The following GPR158 variants were observed in gnomAD, a reference collection of about 807,000 sequenced individuals.
The protein encoded by GPR158 is metabotropic glycine receptor.
A neutral mutation model predicts 78.2 loss-of-function variants in GPR158; 30 were observed. The ratio of observed to expected loss-of-function variants is 0.38; its 90% confidence interval spans 0.29 to 0.52. The LOEUF (loss-of-function observed/expected upper bound fraction) is 0.52, where lower values mean the gene tolerates loss of function less well. Ranked by LOEUF, GPR158 falls within the 20% of genes least tolerant of loss-of-function variation. The pLI is 0.83. For synonymous variants in GPR158, 581 were observed against 591.1 expected (o/e 0.98, Z 0.25); for missense variants, 1,463 against 1,523.5 (o/e 0.96, Z 0.66).
intron 3 of GPR158, among the ~76,000 whole-genome samples, chr10:25,400,536 C>G (rs1834429967): frequency 6.6e-6 from 1 of 152,168 alleles, no homozygotes; most frequent in African/African-American, 2.4e-5. Flanking sequence ...TGGCATTGCT[C>G]TTGAAATTGG....
At chr10:25,492,406 T>TC (rs561942958) in intron 5 of GPR158, among the ~76,000 whole-genome samples, 272 of 148,510 alleles carry the variant, frequency 1.8e-3, no homozygotes, top group African/African-American at 6.9e-3. Flanking sequence ...ACTTTTTTTT[T>TC]CTTTTTCTTT....
At chr10:25,535,681 A>G (rs1836489429) in intron 5 of GPR158, among the ~76,000 whole-genome samples, 1 of 152,212 alleles carries the variant, frequency 6.6e-6, no homozygotes, top group Admixed American at 6.5e-5. Flanking sequence ...GTTATATACA[A>G]GTAGATAATG....
chr10:25,517,474 T>G (rs1301929176), intron 5 of GPR158, among the ~76,000 whole-genome samples: 1 of 152,020 alleles, frequency 6.6e-6, no homozygotes. Context: ...ATGCTTCCAG[T>G]TTTTGCCCAT....
At chr10:25,370,270 T>C (rs966335441) in intron 2 of GPR158, among the ~76,000 whole-genome samples, 3 of 148,524 alleles carry the variant, frequency 2.0e-5, no homozygotes, top group Non-Finnish European at 4.5e-5. Context: ...AGGGTGTCAA[T>C]TATGGATCTT....
chr10:25,532,701 T>C (rs532710831), intron 5 of GPR158, among the ~76,000 whole-genome samples: 2 of 151,734 alleles, frequency 1.3e-5, no homozygotes, highest in Non-Finnish European at 2.9e-5. Context: ...CTTTTATGCA[T>C]TGTTTCGTTC....
rs1250039325 is a variant in GPR158, at chr10:25,553,313, C to A, written c.1514+2228C>A. The stretch of plus-strand genomic sequence containing the variant: ...TTTAAAAAATGAAATTAAAACTATT[C>A]GAAATTAAAACTATTTTCCCTCTGA... On this transcript the variant is annotated intron_variant, in intron 6 of 10. Transcript: ENST00000376351. Among the ~76,000 whole-genome samples the A allele has an allele frequency of 5.9e-5, 9 of 152,016 alleles. No individual in the cohort carries two copies. In the South Asian group the frequency reaches 1.9e-3, roughly 31 times the overall value.
chr10:25,261,669 G>A (rs1157839759), intron 2 of GPR158, among the ~76,000 whole-genome samples: 2 of 152,140 alleles, frequency 1.3e-5, no homozygotes, highest in African/African-American at 2.4e-5. Flanking sequence ...CAATTAACAC[G>A]GCGGAGTCAG....
At chr10:25,270,945 T>A (rs147262802) in intron 2 of GPR158, among the ~76,000 whole-genome samples, 1 of 152,218 alleles carries the variant, frequency 6.6e-6, no homozygotes, top group African/African-American at 2.4e-5. Context: ...TAAATCCTTA[T>A]CAAGACCTAT....
At chr10:25,283,434 C>CT (rs1004256260) in intron 2 of GPR158, among the ~76,000 whole-genome samples, 3 of 151,890 alleles carry the variant, frequency 2.0e-5, no homozygotes, top group African/African-American at 7.2e-5. Flanking sequence ...ATTGCAAATT[C>CT]TTTTTTGTGA....
rs147751178 is a variant in GPR158 at position 25,337,254 on chromosome 10, C to G, written c.1009-58657C>G. 4.6e-3 allele frequency among the ~76,000 whole-genome samples: 702 copies of G among 152,106 alleles called. 9 individuals are homozygous for G. The highest frequency in any genetic ancestry group is 0.016 in the African/African-American group (648 of 41,520). ...ATAAAGAGAACACACCCATGTAAAC[C>G]ACCATCCAGATCAACATAGAGAACA... On this transcript the variant is annotated intron_variant, in intron 2 of 10. Coordinates refer to ENST00000376351, the MANE Select transcript of GPR158 (RefSeq NM_020752.3).
intron 4 of GPR158, among the ~76,000 whole-genome samples, chr10:25,442,862 C>G (rs552851138): frequency 6.6e-6 from 1 of 152,222 alleles, no homozygotes; most frequent in South Asian, 2.1e-4. Context: ...TTCCTGCACC[C>G]AACATCCTCC....
Position 25,601,592 on chromosome 10 carries a change from C to T in GPR158, c.*2318C>T, listed in dbSNP as rs1837499052. On this transcript the variant is annotated 3_prime_UTR_variant, in exon 11 of 11. Coordinates refer to ENST00000376351, the MANE Select transcript of GPR158 (RefSeq NM_020752.3). ...TGCCAAATTATATCTTAGCGACATT[C>T]TATAGTTCATAGATTATTCTCCACC... The T allele has an allele frequency of 6.6e-6, 1 of 152,622 alleles. No individual in the cohort carries two copies. Among genetic ancestry groups the T allele is most frequent in the African/African-American group, 2.4e-5 (1 of 41,460 alleles). 9.5% of individuals were successfully genotyped at this position (152,622 alleles called of 1,614,324 possible). A position where few individuals can be genotyped will look rare whatever the true frequency, so the allele number is the denominator to read the frequency against.
chr10:25,176,151 G>C lies in GPR158; in HGVS notation c.731G>C (p.Arg244Pro). 2 of 1,573,584 alleles carry C rather than the reference G, an allele frequency of 1.3e-6. No homozygotes were observed. Among genetic ancestry groups the C allele is most frequent in the Non-Finnish European group, 1.7e-6 (2 of 1,161,010 alleles). The change falls in exon 1 of 11, where the codon CGG becomes CCG. Residue 244 changes from arginine (R) to proline (P), a missense_variant. Transcript: ENST00000376351. This position sits in a 1 kb window ranked among gnomAD's most constrained non-coding sequence, Gnocchi z 6.3. Reference sequence around the variant, plus strand: ...CGCCGCGGCCCCAATCAGGGGCCCCGGGGCCTGGGCCACAGCTGGCGGCGC... The same window carrying C: ...CGCCGCGGCCCCAATCAGGGGCCCCCGGGCCTGGGCCACAGCTGGCGGCGC... The part of the protein sequence containing the change: ...LHRRGPNQGP[R>P]GLGHSWRRKD...
At chr10:25,425,665 C>G (rs1416990084) in intron 4 of GPR158, among the ~76,000 whole-genome samples, 1 of 152,020 alleles carries the variant, frequency 6.6e-6, no homozygotes, top group Admixed American at 6.6e-5. Flanking sequence ...AAGACTAATA[C>G]CCAGAATCTA....
intron 2 of GPR158, among the ~76,000 whole-genome samples, chr10:25,366,344 C>A (rs954758166): frequency 3.4e-5 from 5 of 147,464 alleles, no homozygotes; most frequent in African/African-American, 1.2e-4. Flanking sequence ...ATACATTCAC[C>A]AGCTCTTTGT....
chr10:25,466,574 G>T, intron 4 of GPR158, 77 bp from the exon 5 acceptor site: 1 of 876,666 alleles, frequency 1.1e-6, no homozygotes, highest in South Asian at 1.5e-5. Context: ...ACTGCATTGT[G>T]GCATTTTCAC....
At chr10:25,319,412 A>G (rs1854912822) in intron 2 of GPR158, among the ~76,000 whole-genome samples, 1 of 152,192 alleles carries the variant, frequency 6.6e-6, no homozygotes, top group African/African-American at 2.4e-5. Context: ...TTAATCTAAC[A>G]CAATGTCTTC....
intron 2 of GPR158, among the ~76,000 whole-genome samples, chr10:25,332,756 C>T (rs912729402): frequency 6.6e-6 from 1 of 152,098 alleles, no homozygotes. Flanking sequence ...ATTTTAATTC[C>T]TAGTATTTAG....
intron 2 of GPR158, among the ~76,000 whole-genome samples, chr10:25,226,163 A>C (rs1012768751): frequency 6.6e-6 from 1 of 152,162 alleles, no homozygotes; most frequent in Non-Finnish European, 1.5e-5. Flanking sequence ...CATGCTGTCT[A>C]GTATGATAGC....
Sources: gnomAD v4.1 joint callset for allele counts (sites outside exome capture counted in the v4.1 genomes callset) on GRCh38, gnomAD v4.1.1 for gene constraint, Gnocchi (gnomAD v3.1) non-coding constraint, MANE v1.5 for transcripts, NCBI Gene and HGNC (gene_info 2026-07-23, HGNC 2026-07-21) for gene names.